Variants in ADGRL3 observed in about 807,000 individuals in gnomAD.
ADGRL3 encodes adhesion G protein-coupled receptor L3, also known as calcium-independent alpha-latrotoxin receptor 3.
A neutral mutation model predicts 153.5 loss-of-function variants in ADGRL3; 62 were observed. The ratio of observed to expected loss-of-function variants is 0.40; its 90% CI spans 0.33 to 0.50. The LOEUF (loss-of-function observed/expected upper bound fraction) is 0.50, where lower values mean the gene tolerates loss of function less well. Among genes scored for constraint, ADGRL3 ranks in the 20% least tolerant of loss-of-function variants. The pLI is 0.47. For synonymous variants in ADGRL3, 710 were observed against 672.5 expected, an observed-to-expected ratio of 1.06 and a Z score of -0.86; for missense variants, 1,641 against 1,859.4, an observed-to-expected ratio of 0.88 and a Z score of 2.16.
At chr4:61,225,304 C>A (rs1373292791) in intron 1 of ADGRL3, among the ~76,000 whole-genome samples, 1 of 152,120 alleles carries the variant, frequency 6.6e-6, no homozygotes, top group Non-Finnish European at 1.5e-5. Flanking sequence ...TCACTGGTTC[C>A]TAGCCAAACC....
chr4:61,528,118 T>C (rs2219343), intron 4 of ADGRL3, among the ~76,000 whole-genome samples: 45,574 of 152,020 alleles, frequency 0.3, 7,054 homozygotes, highest in South Asian at 0.4. Flanking sequence ...GTGACCTCAC[T>C]ATGCTTCGGT....
At chr4:61,956,380 G>A (rs565922413) in intron 17 of ADGRL3, among the ~76,000 whole-genome samples, 6 of 152,180 alleles carry the variant, frequency 3.9e-5, no homozygotes, top group African/African-American at 1.4e-4. Context: ...TTTGGATGGG[G>A]TTGTTTGTTT....
chr4:61,336,123 G>A (rs2151046941), intron 1 of ADGRL3, among the ~76,000 whole-genome samples: 1 of 152,186 alleles, frequency 6.6e-6, no homozygotes, highest in South Asian at 2.1e-4. Context: ...TGTATAGAAT[G>A]AATAATATAA....
chr4:61,427,048 G>T (rs1348884520), intron 2 of ADGRL3: 1 of 152,138 alleles, frequency 6.6e-6, no homozygotes, highest in East Asian at 1.9e-4. Context: ...GGCCACCATG[G>T]CAGTAGTCAT....
chr4:61,647,201 C>G (rs570090233), intron 5 of ADGRL3, among the ~76,000 whole-genome samples: 1 of 152,054 alleles, frequency 6.6e-6, no homozygotes, highest in Admixed American at 6.5e-5. Context: ...GAGATGAACC[C>G]GGTACCTCAG....
chr4:61,684,094 T>C (rs1048951534), intron 6 of ADGRL3, among the ~76,000 whole-genome samples: 17 of 152,166 alleles, frequency 1.1e-4, no homozygotes, highest in African/African-American at 4.1e-4. Flanking sequence ...AATAAACCCA[T>C]AGATGGGCAA....
chr4:61,896,739 A>G (rs1210550438), intron 11 of ADGRL3, among the ~76,000 whole-genome samples: 2 of 152,114 alleles, frequency 1.3e-5, no homozygotes, highest in East Asian at 1.9e-4. Context: ...TTACATATGC[A>G]TCTCCGTACT....
intron 2 of ADGRL3, among the ~76,000 whole-genome samples, chr4:61,424,378 G>A (rs1270196948): frequency 6.6e-6 from 1 of 152,078 alleles, no homozygotes; most frequent in African/African-American, 2.4e-5. Context: ...TCTTAGTGGG[G>A]AAACTTGCCC....
chr4:61,401,086 A>AT (rs1378117228), intron 2 of ADGRL3, among the ~76,000 whole-genome samples: 5 of 150,794 alleles, frequency 3.3e-5, no homozygotes, highest in East Asian at 1.9e-4. Context: ...TAAAAAAAAG[A>AT]TTTTTTGAAA....
At chr4:61,619,197 G>T (rs181385381) in intron 5 of ADGRL3, among the ~76,000 whole-genome samples, 1 of 152,230 alleles carries the variant, frequency 6.6e-6, no homozygotes, top group African/African-American at 2.4e-5. Context: ...GAAACAACCG[G>T]TGGCTGTCTT....
At chr4:61,346,781 C>CA (rs748059859) in intron 1 of ADGRL3, among the ~76,000 whole-genome samples, 3,410 of 43,964 alleles carry the variant, frequency 0.078, 197 homozygotes, top group East Asian at 0.18. Context: ...AGACCTGTCT[C>CA]AAAAAAAAAA....
Position 61,636,099 on chromosome 4 carries a change from G to A in ADGRL3, c.474-40727G>A, listed in dbSNP as rs575770056. 1.1e-4 allele frequency among the ~76,000 whole-genome samples: 16 copies of A among 152,038 alleles called. No homozygotes were observed. The South Asian group carries it at 3.1e-3, about 30-fold the overall frequency. Reference sequence around the variant, plus strand: ...TACAATTCACCTCCTAACCCCTATCGAAACTACACACTAGACTAACTCATT... The same window carrying A: ...TACAATTCACCTCCTAACCCCTATCAAAACTACACACTAGACTAACTCATT... On this transcript the variant is annotated intron_variant, in intron 5 of 26. Transcript: ENST00000683033.
intron 5 of ADGRL3, among the ~76,000 whole-genome samples, chr4:61,627,962 G>A (rs2092931615): frequency 6.6e-6 from 1 of 152,106 alleles, no homozygotes; most frequent in Non-Finnish European, 1.5e-5. Flanking sequence ...AGATAGGCAG[G>A]GAGCAAACCT....
At chr4:61,297,683 T>TA (rs1238647206) in intron 1 of ADGRL3, among the ~76,000 whole-genome samples, 1 of 151,990 alleles carries the variant, frequency 6.6e-6, no homozygotes, top group Non-Finnish European at 1.5e-5. Context: ...TTTTTTTTTT[T>TA]AACCCTAAAT....
At chr4:61,455,736 C>G (rs1485713192) in intron 2 of ADGRL3, among the ~76,000 whole-genome samples, 1 of 151,918 alleles carries the variant, frequency 6.6e-6, no homozygotes, top group African/African-American at 2.4e-5. Context: ...TAATCTGCAA[C>G]TTCTCAGCTA....
intron 8 of ADGRL3, among the ~76,000 whole-genome samples, chr4:61,761,061 G>A (rs2096907113): frequency 6.6e-6 from 1 of 152,184 alleles, no homozygotes; most frequent in Non-Finnish European, 1.5e-5. Flanking sequence ...GGGACCACAA[G>A]ATCAAATGAG....
intron 12 of ADGRL3, 105 bp from the exon 13 acceptor site, chr4:61,912,614 A>G: frequency 1.0e-6 from 1 of 976,124 alleles, no homozygotes; most frequent in Non-Finnish European, 1.6e-6. Flanking sequence ...TGAATGACAA[A>G]ATAAGGTGTT....
chr4:61,521,868 C>T (rs528695811), intron 4 of ADGRL3, among the ~76,000 whole-genome samples: 33 of 151,646 alleles, frequency 2.2e-4, no homozygotes, highest in Non-Finnish European at 2.9e-4. Context: ...AATTTAAGGA[C>T]ACATAACTTA....
intron 2 of ADGRL3, among the ~76,000 whole-genome samples, chr4:61,441,016 C>T (rs1374914720): frequency 6.6e-6 from 1 of 152,174 alleles, no homozygotes; most frequent in Non-Finnish European, 1.5e-5. Context: ...TAGACTTACT[C>T]TCCAAAATTC....
Sources: gnomAD v4.1 joint callset for allele counts (sites outside exome capture counted in the v4.1 genomes callset) on GRCh38, gnomAD v4.1.1 for gene constraint, MANE v1.5 for transcripts, NCBI Gene and HGNC (gene_info 2026-07-23, HGNC 2026-07-21) for gene names.